ZNF804B: variants seen among roughly 807,000 people sequenced by gnomAD.
ZNF804B encodes the protein zinc finger protein 804B.
ZNF804B carries 80 observed loss-of-function variants against 101.4 expected under a neutral mutation model. The ratio of observed to expected loss-of-function variants is 0.79; its 90% CI spans 0.66 to 0.95. The LOEUF is 0.95. ZNF804B is among the 40% of genes least tolerant of loss of function. ZNF804B has a pLI of 0.00. For missense variants in ZNF804B, 1,673 were observed against 1,561.9 expected (o/e 1.07, Z -1.20); for synonymous variants, 622 against 558.8 (o/e 1.11, Z -1.59).
chr7:89,022,260 C>A (rs1788679107), intron 1 of ZNF804B, among the ~76,000 whole-genome samples: 2 of 152,082 alleles, frequency 1.3e-5, no homozygotes, highest in South Asian at 4.2e-4. Flanking sequence ...TATTCTTTGC[C>A]TTGTTTCTTT....
rs1307225594 is a variant in ZNF804B at position 88,857,077 on chromosome 7, C to A, written c.108+96993C>A. ...TTTGAAACCAACGAGAACAAAGACA[C>A]AACATACCAGAATCTCTGGGACACA... On this transcript the variant is annotated intron_variant, in intron 1 of 3. Transcript: ENST00000333190. 2.0e-5 allele frequency among the ~76,000 whole-genome samples: 3 copies of A among 152,086 alleles called. No homozygotes were observed. In the East Asian group the frequency reaches 5.8e-4, roughly 29 times the overall value.
chr7:89,263,594 T>A (rs1562930947), intron 2 of ZNF804B, among the ~76,000 whole-genome samples: 1 of 152,104 alleles, frequency 6.6e-6, no homozygotes, highest in Admixed American at 6.6e-5. Flanking sequence ...TGTGACCTTT[T>A]TTTTTTTTAA....
chr7:88,791,514 G>A (rs981056427), intron 1 of ZNF804B, among the ~76,000 whole-genome samples: 1 of 152,018 alleles, frequency 6.6e-6, no homozygotes, highest in African/African-American at 2.4e-5. Context: ...GATTAAGATT[G>A]TTAATAATTC....
chr7:89,004,362 T>C lies in ZNF804B; in HGVS notation c.109-213793T>C, dbSNP rs1430356537. On this transcript the variant is annotated intron_variant, in intron 1 of 3. Transcript: ENST00000333190. ...ATCTCATGAATAATTTAGTTATTCA[T>C]ATAAAGTATGATCATAAAAATTAAG... is the stretch of plus-strand genomic sequence containing the variant. Among the ~76,000 whole-genome samples the C allele has an allele frequency of 8.0e-4, 121 of 152,008 alleles. 2 individuals are homozygous for C. Among genetic ancestry groups the C allele is most frequent in the Non-Finnish European group, 2.2e-4 (15 of 67,860 alleles).
intron 1 of ZNF804B, among the ~76,000 whole-genome samples, chr7:89,076,876 C>T (rs760543005): frequency 6.6e-6 from 1 of 152,092 alleles, no homozygotes; most frequent in Non-Finnish European, 1.5e-5. Context: ...GAGGGATTTA[C>T]AATTAAAGCA....
At chr7:88,772,727 G>A in intron 1 of ZNF804B, among the ~76,000 whole-genome samples, 1 of 152,230 alleles carries the variant, frequency 6.6e-6, no homozygotes, top group African/African-American at 2.4e-5. Context: ...GGAAAGAACT[G>A]CAAACTCAAA....
chr7:89,000,004 T>C (rs1788260995), intron 1 of ZNF804B, among the ~76,000 whole-genome samples: 1 of 151,940 alleles, frequency 6.6e-6, no homozygotes, highest in Non-Finnish European at 1.5e-5. Flanking sequence ...ATCATTTCCT[T>C]GAGTAAAAAT....
At chr7:89,250,399 C>A (rs751564332) in intron 2 of ZNF804B, among the ~76,000 whole-genome samples, 5 of 151,542 alleles carry the variant, frequency 3.3e-5, no homozygotes, top group Non-Finnish European at 7.4e-5. Context: ...AAATTGAAAC[C>A]CTTAACAAAC....
At chr7:88,798,570 A>AT (rs1162255992) in intron 1 of ZNF804B, among the ~76,000 whole-genome samples, 2 of 151,874 alleles carry the variant, frequency 1.3e-5, no homozygotes, top group African/African-American at 4.8e-5. Flanking sequence ...TTTTCAAATT[A>AT]TTTTTTTGCT....
At chr7:88,988,392 G>A (rs1434530799) in intron 1 of ZNF804B, among the ~76,000 whole-genome samples, 3 of 152,094 alleles carry the variant, frequency 2.0e-5, no homozygotes, top group Non-Finnish European at 2.9e-5. Context: ...AGAGAGAGAT[G>A]TGCTGCTCTA....
At chr7:89,123,795 G>A (rs769228739) in intron 1 of ZNF804B, among the ~76,000 whole-genome samples, 2 of 152,140 alleles carry the variant, frequency 1.3e-5, no homozygotes, top group Non-Finnish European at 2.9e-5. Flanking sequence ...GATAATACAA[G>A]TAGTAATTGG....
At chr7:88,997,397 A>T (rs939585629) in intron 1 of ZNF804B, among the ~76,000 whole-genome samples, 3 of 152,252 alleles carry the variant, frequency 2.0e-5, no homozygotes, top group South Asian at 2.1e-4. Context: ...ATTTCTTCTG[A>T]AGACATGGAG....
intron 1 of ZNF804B, among the ~76,000 whole-genome samples, chr7:89,141,884 A>G (rs1013714510): frequency 1.4e-5 from 1 of 72,002 alleles, no homozygotes; most frequent in Admixed American, 1.5e-4. Flanking sequence ...ATAAAAAAAG[A>G]AAAAATATAT....
intron 1 of ZNF804B, among the ~76,000 whole-genome samples, chr7:88,967,831 G>A (rs1237091291): frequency 6.6e-6 from 1 of 151,294 alleles, no homozygotes; most frequent in African/African-American, 2.4e-5. Context: ...CCTGGAGCCA[G>A]AGAAGGGTGT....
intron 1 of ZNF804B, among the ~76,000 whole-genome samples, chr7:89,085,396 A>C (rs59475201): frequency 6.6e-6 from 1 of 151,912 alleles, no homozygotes; most frequent in Admixed American, 6.6e-5. Flanking sequence ...TTTTTCCTCC[A>C]TAAGTAAGCC....
At chr7:89,213,024 A>G (rs1788827789) in intron 1 of ZNF804B, among the ~76,000 whole-genome samples, 1 of 152,156 alleles carries the variant, frequency 6.6e-6, no homozygotes, top group African/African-American at 2.4e-5. Context: ...ATCCCCCTTA[A>G]TCTATTCTGA....
At chr7:89,097,242 C>T (rs1469665993) in intron 1 of ZNF804B, among the ~76,000 whole-genome samples, 1 of 152,222 alleles carries the variant, frequency 6.6e-6, no homozygotes. Context: ...GTTTCTGTGA[C>T]TCTTTCTTGC....
intron 1 of ZNF804B, among the ~76,000 whole-genome samples, chr7:88,772,858 CA>C (rs1419916859): frequency 3.3e-5 from 5 of 151,240 alleles, no homozygotes; most frequent in African/African-American, 1.2e-4. Flanking sequence ...AGGAGCCAGG[CA>C]AAATAGTCAT....
intron 1 of ZNF804B, among the ~76,000 whole-genome samples, chr7:89,002,493 C>T (rs13239778): frequency 0.82 from 124,867 of 151,796 alleles, 51,922 homozygotes; most frequent in African/African-American, 0.96. Context: ...TCTCATTTAT[C>T]TATAACAAGC....
Sources: gnomAD v4.1 joint callset for allele counts (sites outside exome capture counted in the v4.1 genomes callset) on GRCh38, gnomAD v4.1.1 for gene constraint, MANE v1.5 for transcripts, NCBI Gene and HGNC (gene_info 2026-07-23, HGNC 2026-07-21) for gene names.